Variants in NEK1 observed in about 807,000 individuals in gnomAD.
The protein encoded by NEK1 is NIMA related kinase 1, also known as serine/threonine-protein kinase Nek1.
Under a neutral mutation model 182.1 loss-of-function variants are expected in NEK1, and 137 were observed. The observed-to-expected ratio is 0.75, with a 90% CI of 0.65 to 0.87. The LOEUF is 0.87. Ranked by LOEUF, NEK1 falls within the 40% of genes least tolerant of loss-of-function variation. The probability of loss-of-function intolerance (pLI) is 0.00; values close to 1 mark genes in which losing one functional copy is unlikely to be tolerated. For synonymous variants in NEK1, 513 were observed against 492.2 expected, an observed-to-expected ratio of 1.04 and a Z score of -0.56; for missense variants, 1,391 against 1,494.4, an observed-to-expected ratio of 0.93 and a Z score of 1.14.
chr4:169,407,306 C>T (rs1278216120), intron 31 of NEK1, among the ~76,000 whole-genome samples: 1 of 152,198 alleles, frequency 6.6e-6, no homozygotes, highest in Non-Finnish European at 1.5e-5. Flanking sequence ...CCACACATAA[C>T]TGACAGCCCC....
intron 5 of NEK1, among the ~76,000 whole-genome samples, chr4:169,596,593 A>G (rs949818988): frequency 6.6e-6 from 1 of 152,206 alleles, no homozygotes; most frequent in African/African-American, 2.4e-5. Flanking sequence ...TTTGTCCAGT[A>G]AAGATGCAAA....
At chr4:169,608,422 A>G (rs1370846471) in intron 2 of NEK1, among the ~76,000 whole-genome samples, 1 of 152,234 alleles carries the variant, frequency 6.6e-6, no homozygotes, top group East Asian at 1.9e-4. Flanking sequence ...CCCTCATTTT[A>G]CACCAACCTA....
chr4:169,550,965 T>C (rs1005935527), intron 18 of NEK1, among the ~76,000 whole-genome samples: 3 of 152,170 alleles, frequency 2.0e-5, no homozygotes, highest in Non-Finnish European at 4.4e-5. Flanking sequence ...TACAAATACA[T>C]TTTAGCAAGT....
At chr4:169,444,637 C>G (rs1740149496) in intron 27 of NEK1, among the ~76,000 whole-genome samples, 1 of 152,126 alleles carries the variant, frequency 6.6e-6, no homozygotes, top group South Asian at 2.1e-4. Context: ...GAGAGATAGA[C>G]TCCAATATAA....
At chr4:169,487,137 C>A (rs765718461) in intron 23 of NEK1, among the ~76,000 whole-genome samples, 2 of 152,134 alleles carry the variant, frequency 1.3e-5, no homozygotes, top group East Asian at 3.8e-4. Flanking sequence ...CAAAGAATCA[C>A]AATAGTTAAG....
chr4:169,406,012 G>A (rs191160428), intron 32 of NEK1, among the ~76,000 whole-genome samples: 182 of 152,084 alleles, frequency 1.2e-3, no homozygotes, highest in African/African-American at 3.7e-3. Context: ...GAGGAGAATC[G>A]CTTGAACTTG....
intron 26 of NEK1, among the ~76,000 whole-genome samples, chr4:169,464,078 C>T (rs937117724): frequency 2.6e-5 from 4 of 152,108 alleles, no homozygotes; most frequent in African/African-American, 9.7e-5. Context: ...CCCATGTGGG[C>T]CCTCTATGGT....
chr4:169,548,863 G>A (rs549535236), intron 18 of NEK1, among the ~76,000 whole-genome samples: 19 of 152,302 alleles, frequency 1.2e-4, no homozygotes, highest in Non-Finnish European at 2.4e-4. Flanking sequence ...CTGCTGTGCC[G>A]GCATCCAGAA....
At chr4:169,434,338 GAGT>G (rs1561180752) in intron 28 of NEK1, among the ~76,000 whole-genome samples, 2 of 150,668 alleles carry the variant, frequency 1.3e-5, no homozygotes, top group African/African-American at 4.9e-5. Flanking sequence ...TCAGCCTCCT[GAGT>G]AGCTGGAACT....
At chr4:169,584,272 T>C (rs980062452) in intron 10 of NEK1, among the ~76,000 whole-genome samples, 6 of 152,164 alleles carry the variant, frequency 3.9e-5, no homozygotes, top group African/African-American at 1.4e-4. Context: ...TTTCTAGTCA[T>C]TTCCTATCAA....
chr4:169,577,099 G>T lies in NEK1; in HGVS notation c.869-20C>A. 1.2e-6 allele frequency: 2 copies of T among 1,612,424 alleles called. No individual in the cohort carries two copies. Among genetic ancestry groups the T allele is most frequent in the Non-Finnish European group, 1.7e-6 (2 of 1,179,246 alleles). ...TTTTAGCTAGATGAAAAGATACAAA[G>T]AATTTTGTCTGCAGTTCTTTACATT... On this transcript the variant is annotated intron_variant, in intron 11 of 35. Transcript: ENST00000507142.
At chr4:169,464,043 A>T (rs547259684) in intron 26 of NEK1, among the ~76,000 whole-genome samples, 26 of 152,170 alleles carry the variant, frequency 1.7e-4, no homozygotes, top group Non-Finnish European at 3.4e-4. Flanking sequence ...ACTATCAGAA[A>T]GCAATAGTGT....
intron 19 of NEK1, among the ~76,000 whole-genome samples, chr4:169,533,092 T>C (rs933811093): frequency 3.9e-5 from 6 of 152,228 alleles, no homozygotes; most frequent in African/African-American, 1.4e-4. Flanking sequence ...AGGTTTCTGT[T>C]ATCTCCCTGT....
At position 169,537,837 on chromosome 4, in the gene NEK1, T is replaced by A; in HGVS notation, c.1637A>T (p.Gln546Leu). ...ATGTCCTTCGGCTCGAGCTTTATTCTGCATAGCTTCCCGTTTTCGCTGCAG... is the reference window on the plus strand; with the variant it reads ...ATGTCCTTCGGCTCGAGCTTTATTCAGCATAGCTTCCCGTTTTCGCTGCAG... ...EFLQRKREAM[Q>L]NKARAEGHMG... The change falls in exon 19 of 36, where the codon CAG becomes CTG. Residue 546 changes from glutamine (Q) to leucine (L), a missense_variant. Gln to Leu is a moderately radical substitution (Grantham distance 113). Transcript: ENST00000507142. 6.2e-7 allele frequency: 1 copy of A among 1,612,904 alleles called. No individual in the cohort carries two copies. The highest frequency in any genetic ancestry group is 8.5e-7 in the Non-Finnish European group (1 of 1,179,238).
intron 19 of NEK1, among the ~76,000 whole-genome samples, chr4:169,535,277 C>A (rs1029864369): frequency 1.3e-5 from 2 of 152,082 alleles, no homozygotes; most frequent in Non-Finnish European, 2.9e-5. Flanking sequence ...AAGCGGAGAT[C>A]ATGTCTCTGC....
intron 19 of NEK1, among the ~76,000 whole-genome samples, chr4:169,524,429 C>A (rs1264483245): frequency 6.9e-6 from 1 of 144,890 alleles, no homozygotes; most frequent in Admixed American, 7.0e-5. Flanking sequence ...CCATAGCACT[C>A]CAGCATGGGC....
At position 169,549,414 on chromosome 4, in the gene NEK1, C is replaced by T. The variant is rs900009749; in HGVS notation, c.1562+6306G>A. On this transcript the variant is annotated intron_variant, in intron 18 of 35. Transcript: ENST00000507142. ...AGCTGTTCCTATTCGGCCATCTTGC[C>T]AGCTGCCCATCTTTTGTTTTTGTTT... Among the ~76,000 whole-genome samples the T allele has an allele frequency of 2.6e-5, 4 of 152,266 alleles. No individual in the cohort carries two copies. The East Asian group carries it at 7.7e-4, about 29-fold the overall frequency.
chr4:169,571,293 G>A (rs1376838575), intron 12 of NEK1, among the ~76,000 whole-genome samples: 1 of 152,210 alleles, frequency 6.6e-6, no homozygotes, highest in Admixed American at 6.5e-5. Flanking sequence ...GCCAAGGTAG[G>A]TGGATTACTT....
intron 24 of NEK1, 137 bp from the exon 25 acceptor site, chr4:169,477,634 CA>C: frequency 1.6e-6 from 1 of 622,468 alleles, no homozygotes; most frequent in East Asian, 2.9e-5. Flanking sequence ...AAAATGTTAA[CA>C]AAGCTTCCTT....
Sources: gnomAD v4.1 joint callset for allele counts (sites outside exome capture counted in the v4.1 genomes callset) on GRCh38, gnomAD v4.1.1 for gene constraint, MANE v1.5 for transcripts, NCBI Gene and HGNC (gene_info 2026-07-23, HGNC 2026-07-21) for gene names.